Variants in HDAC9 observed in about 807,000 individuals in gnomAD.
The protein encoded by HDAC9 is MEF-2 interacting transcription repressor (MITR) protein.
Under a neutral mutation model 139.4 loss-of-function variants are expected in HDAC9, and 41 were observed. That is an observed-to-expected ratio of 0.29 (90% CI 0.23 to 0.38). The LOEUF (loss-of-function observed/expected upper bound fraction) is 0.38, where lower values mean the gene tolerates loss of function less well. Among genes scored for constraint, HDAC9 ranks in the 10% least tolerant of loss-of-function variants. The probability of loss-of-function intolerance (pLI) is 1.00; values close to 1 mark genes in which losing one functional copy is unlikely to be tolerated. For missense variants in HDAC9, 1,147 were observed against 1,297.0 expected (o/e 0.88, Z 1.78); for synonymous variants, 517 against 476.2 (o/e 1.09, Z -1.12).
intron 25 of HDAC9, among the ~76,000 whole-genome samples, chr7:18,976,858 A>G (rs1349621860): frequency 6.6e-6 from 1 of 152,214 alleles, no homozygotes; most frequent in Non-Finnish European, 1.5e-5. Flanking sequence ...GCTCCTGAGA[A>G]GGAAATCAGA....
chr7:18,487,878 G>T (rs183554388), intron 1 of HDAC9, among the ~76,000 whole-genome samples: 146 of 152,068 alleles, frequency 9.6e-4, no homozygotes, highest in Admixed American at 3.8e-3. Flanking sequence ...TTGACTTTTG[G>T]TATCTGCTAC....
At chr7:18,521,835 A>G (rs1805158395) in intron 2 of HDAC9, among the ~76,000 whole-genome samples, 1 of 152,168 alleles carries the variant, frequency 6.6e-6, no homozygotes, top group Admixed American at 6.5e-5. Context: ...GATTCCATTT[A>G]TTTTTACTAC....
intron 2 of HDAC9, among the ~76,000 whole-genome samples, chr7:18,565,430 T>C (rs1294574846): frequency 6.6e-6 from 1 of 152,214 alleles, no homozygotes; most frequent in Non-Finnish European, 1.5e-5. Context: ...ATCCAAACTC[T>C]ACTTGCTCAC....
intron 12 of HDAC9, among the ~76,000 whole-genome samples, chr7:18,684,920 A>G (rs1782158545): frequency 6.6e-6 from 1 of 152,006 alleles, no homozygotes. Context: ...GATTTTAAAC[A>G]TTTGAAATTT....
chr7:18,272,919 A>G (rs759291730), intron 2 of HDAC9, among the ~76,000 whole-genome samples: 851 of 16,578 alleles, frequency 0.051, 11 homozygotes, highest in African/African-American at 0.11. Flanking sequence ...TACTGCTACT[A>G]CTACTACTAC....
Position 18,113,687 on chromosome 7 carries a change from A to G in HDAC9, c.-97+26474A>G, listed in dbSNP as rs553762586. On this transcript the variant is annotated intron_variant, in intron 1 of 12. Coordinates refer to the HDAC9 transcript ENST00000417496. ...CTCTTATTTGTATATGTATGCTTCA[A>G]TTAAAGAAATGCATAACATTTTGCT... Among the ~76,000 whole-genome samples, 5 of 152,364 alleles carry G rather than the reference A, an allele frequency of 3.3e-5. No individual in the cohort carries two copies. The East Asian group carries it at 5.8e-4, about 18-fold the overall frequency.
intron 1 of HDAC9, among the ~76,000 whole-genome samples, chr7:18,451,407 ATGTGTGTGTGTGTGTATATATATGTG>A (rs1792838737): frequency 8.6e-6 from 1 of 116,468 alleles, no homozygotes; most frequent in Non-Finnish European, 1.9e-5. Flanking sequence ...GTGTGTATAT[ATGTGTGTGTGTGTGTATATATATGTG>A]TGTGTGTGTG....
At chr7:18,824,048 GA>G (rs59294377) in intron 17 of HDAC9, among the ~76,000 whole-genome samples, 185 of 128,578 alleles carry the variant, frequency 1.4e-3, no homozygotes, top group African/African-American at 2.6e-3. Flanking sequence ...GGAAGAGGAA[GA>G]AGAAGAAGAA....
chr7:18,501,668 A>C (rs908741296), intron 2 of HDAC9, among the ~76,000 whole-genome samples: 7 of 152,152 alleles, frequency 4.6e-5, no homozygotes, highest in Admixed American at 2.6e-4. Flanking sequence ...ATTCATATAA[A>C]GATAGGAAGA....
At chr7:18,627,012 C>T (rs1841893034) in intron 6 of HDAC9, among the ~76,000 whole-genome samples, 1 of 152,116 alleles carries the variant, frequency 6.6e-6, no homozygotes, top group South Asian at 2.1e-4. Flanking sequence ...GAAATAGTAC[C>T]AATAATATGT....
chr7:18,141,855 A>G (rs951282722), intron 1 of HDAC9, among the ~76,000 whole-genome samples: 4 of 152,196 alleles, frequency 2.6e-5, no homozygotes, highest in Non-Finnish European at 5.9e-5. Flanking sequence ...ATAATGTCTT[A>G]GAGCAGGACC....
At chr7:18,547,940 T>C (rs1815717391) in intron 2 of HDAC9, among the ~76,000 whole-genome samples, 1 of 144,682 alleles carries the variant, frequency 6.9e-6, no homozygotes, top group African/African-American at 2.5e-5. Flanking sequence ...TCCATTTGCA[T>C]TCACAATTTT....
intron 12 of HDAC9, among the ~76,000 whole-genome samples, chr7:18,714,502 C>A (rs1052827389): frequency 5.3e-5 from 8 of 152,162 alleles, no homozygotes; most frequent in African/African-American, 1.9e-4. Context: ...CTTATGGAGT[C>A]TTACGAATAA....
chr7:18,572,501 G>T (rs981553768), intron 2 of HDAC9, among the ~76,000 whole-genome samples: 2 of 151,908 alleles, frequency 1.3e-5, no homozygotes, highest in African/African-American at 4.8e-5. Flanking sequence ...ATACGGGAAA[G>T]GGGACGGTTT....
intron 22 of HDAC9, among the ~76,000 whole-genome samples, chr7:18,880,669 A>T (rs1585212092): frequency 6.6e-6 from 1 of 152,090 alleles, no homozygotes; most frequent in African/African-American, 2.4e-5. Context: ...GGGTGGAAGG[A>T]GGAAGAAGAA....
chr7:18,915,217 T>C (rs1200555350), intron 22 of HDAC9, among the ~76,000 whole-genome samples: 1 of 152,096 alleles, frequency 6.6e-6, no homozygotes, highest in East Asian at 1.9e-4. Flanking sequence ...ATTTTATAAG[T>C]AGAGCATGAA....
chr7:18,702,943 T>A (rs1210244338), intron 12 of HDAC9, among the ~76,000 whole-genome samples: 3 of 152,234 alleles, frequency 2.0e-5, no homozygotes, highest in Non-Finnish European at 4.4e-5. Flanking sequence ...AATCCTACAC[T>A]GTTTCCATTT....
intron 2 of HDAC9, among the ~76,000 whole-genome samples, chr7:18,216,657 A>AT (rs1792337138): frequency 6.6e-6 from 1 of 152,198 alleles, no homozygotes; most frequent in Non-Finnish European, 1.5e-5. Context: ...ATTACCTAGT[A>AT]TTAAACCATT....
At chr7:18,968,220 C>T (rs1316173488) in intron 24 of HDAC9, among the ~76,000 whole-genome samples, 1 of 152,170 alleles carries the variant, frequency 6.6e-6, no homozygotes, top group Non-Finnish European at 1.5e-5. Flanking sequence ...TCTCTCTTAG[C>T]TTCCCCTTAT....
Sources: allele counts gnomAD v4.1 joint callset (sites outside exome capture counted in the v4.1 genomes callset), GRCh38; gene constraint gnomAD v4.1.1; transcripts MANE v1.5; gene names NCBI Gene and HGNC (gene_info 2026-07-23, HGNC 2026-07-21).